INVS: variants seen among roughly 807,000 people sequenced by gnomAD.
INVS encodes inversion of embryo turning homolog.
Under a neutral mutation model 108.8 loss-of-function variants are expected in INVS, and 86 were observed. That is an observed-to-expected ratio of 0.79 (90% CI 0.66 to 0.95). The LOEUF (loss-of-function observed/expected upper bound fraction) is 0.95, where lower values mean the gene tolerates loss of function less well. Among genes scored for constraint, INVS ranks in the 40% least tolerant of loss-of-function variants. The probability of loss-of-function intolerance (pLI) is 0.00; values close to 1 mark genes in which losing one functional copy is unlikely to be tolerated. For synonymous variants in INVS, 455 were observed against 473.5 expected, an observed-to-expected ratio of 0.96 and a Z score of 0.51; for missense variants, 1,169 against 1,297.4, an observed-to-expected ratio of 0.90 and a Z score of 1.52.
intron 12 of INVS, among the ~76,000 whole-genome samples, chr9:100,279,710 T>C (rs1833220150): frequency 6.6e-6 from 1 of 152,192 alleles, no homozygotes; most frequent in Non-Finnish European, 1.5e-5. Flanking sequence ...GACTTCTCTT[T>C]TCTGTGGAAG....
At position 100,264,900 on chromosome 9, in the gene INVS, C is replaced by T; in HGVS notation, c.1543C>T (p.Pro515Ser). 6.2e-7 allele frequency: 1 copy of T among 1,612,580 alleles called. No homozygotes were observed. The highest frequency in any genetic ancestry group is 8.5e-7 in the Non-Finnish European group (1 of 1,179,184). ...IKLLLDFAAFPNQMENNEERY... is the reference protein window; with the variant it reads ...IKLLLDFAAFSNQMENNEERY... Reference sequence around the variant, plus strand: ...ATTACTGCTAGACTTTGCTGCTTTCCCTAATCAGATGGAAAACAATGAAGA... The same window carrying T: ...ATTACTGCTAGACTTTGCTGCTTTCTCTAATCAGATGGAAAACAATGAAGA... Residue 515 changes from proline to serine, a missense_variant, in exon 11 of 17, where the codon CCT becomes TCT. Transcript: ENST00000262457.
intron 6 of INVS, among the ~76,000 whole-genome samples, chr9:100,240,679 A>T (rs1831839516): frequency 6.6e-6 from 1 of 151,992 alleles, no homozygotes; most frequent in Non-Finnish European, 1.5e-5. Flanking sequence ...TGTATGTTTT[A>T]TGTGTATGTT....
intron 9 of INVS, 129 bp from the exon 10 acceptor site, chr9:100,252,778 C>A: frequency 1.3e-6 from 1 of 743,698 alleles, no homozygotes; most frequent in Non-Finnish European, 2.3e-6. Context: ...ATTAAAGGAA[C>A]AATTGTTATT....
intron 3 of INVS, among the ~76,000 whole-genome samples, chr9:100,151,987 G>A (rs7868020): frequency 0.21 from 31,997 of 151,976 alleles, 5,718 homozygotes; most frequent in African/African-American, 0.49. Flanking sequence ...CCTAAACTAC[G>A]TCCTATATTA....
intron 13 of INVS, among the ~76,000 whole-genome samples, chr9:100,285,265 G>T (rs1160967759): frequency 1.3e-5 from 2 of 152,180 alleles, no homozygotes; most frequent in Admixed American, 6.5e-5. Flanking sequence ...TGGCTTCCAT[G>T]GTTTCAGATG....
chr9:100,170,737 T>G (rs1342097788), intron 3 of INVS, among the ~76,000 whole-genome samples: 1 of 152,138 alleles, frequency 6.6e-6, no homozygotes, highest in Admixed American at 6.5e-5. Flanking sequence ...GAGAATATTT[T>G]GTTGCTTTGT....
chr9:100,139,966 A>T (rs912422411), intron 3 of INVS, among the ~76,000 whole-genome samples: 2 of 152,148 alleles, frequency 1.3e-5, no homozygotes, highest in African/African-American at 4.8e-5. Context: ...TAAAGTGAGC[A>T]ATTCAGAGAA....
At chr9:100,263,578 C>A (rs1167741465) in intron 10 of INVS, among the ~76,000 whole-genome samples, 1 of 152,154 alleles carries the variant, frequency 6.6e-6, no homozygotes, top group East Asian at 1.9e-4. Flanking sequence ...GTGATTAGAT[C>A]AGGCCTACCC....
intron 3 of INVS, among the ~76,000 whole-genome samples, chr9:100,145,696 G>A (rs577563891): frequency 4.7e-4 from 72 of 152,180 alleles, no homozygotes; most frequent in East Asian, 2.5e-3. Context: ...AGGCGTCCCC[G>A]TGTGGTCAGA....
chr9:100,156,184 G>T (rs1377080324), intron 3 of INVS, among the ~76,000 whole-genome samples: 1 of 151,712 alleles, frequency 6.6e-6, no homozygotes, highest in Admixed American at 6.6e-5. Flanking sequence ...TTCCAAAGAT[G>T]GACAATTTGA....
Position 100,175,248 on chromosome 9 carries a change from C to T in INVS, c.273+48699C>T. The T allele has an allele frequency of 4.8e-6, 3 of 622,704 alleles. No individual in the cohort carries two copies. The Admixed American group carries it at 6.7e-5, about 14-fold the overall frequency. 38.6% of individuals were successfully genotyped at this position (622,704 alleles called of 1,614,324 possible). ...GCATCCAACTGTAAAGACTCTTTGC[C>T]AATGTCTGTGATTTGTGGGCCCAAA... is the stretch of plus-strand genomic sequence containing the variant. On this transcript the variant is annotated intron_variant, in intron 3 of 16. Coordinates refer to ENST00000262457, the MANE Select transcript of INVS (RefSeq NM_014425.5).
intron 3 of INVS, among the ~76,000 whole-genome samples, chr9:100,187,612 C>G (rs370095555): frequency 2.7e-5 from 4 of 149,820 alleles, no homozygotes; most frequent in Non-Finnish European, 5.9e-5. Context: ...CCACAACCTC[C>G]GCCTCCCAGG....
At chr9:100,118,817 C>T (rs1290159901) in intron 2 of INVS, among the ~76,000 whole-genome samples, 3 of 152,112 alleles carry the variant, frequency 2.0e-5, no homozygotes, top group Admixed American at 1.3e-4. Context: ...CCCACCACCA[C>T]ACCTGGCTAA....
intron 1 of INVS, among the ~76,000 whole-genome samples, chr9:100,100,928 A>ATTATATATGT (rs1163636437): frequency 4.3e-5 from 1 of 23,230 alleles, no homozygotes; most frequent in Non-Finnish European, 6.4e-5. Flanking sequence ...GTATATATAT[A>ATTATATATGT]ATATATATAA....
chr9:100,108,763 C>A (rs1258950342), intron 2 of INVS, among the ~76,000 whole-genome samples: 1 of 152,214 alleles, frequency 6.6e-6, no homozygotes, highest in African/African-American at 2.4e-5. Flanking sequence ...AGATGAGTGT[C>A]TCTTTCTACA....
intron 3 of INVS, among the ~76,000 whole-genome samples, chr9:100,224,050 CA>C (rs554303601): frequency 2.7e-5 from 4 of 150,624 alleles, no homozygotes; most frequent in East Asian, 1.9e-4. Flanking sequence ...AAAAACAAAA[CA>C]AAAAAAAACA....
chr9:100,226,254 C>A lies in INVS; in HGVS notation c.447+19C>A. ...AAACAAGGTAATGGATACTCAAAAT[C>A]AAAGACTAATAAGACCAGAAAGCAA... On this transcript the variant is annotated intron_variant, in intron 4 of 16. Coordinates refer to ENST00000262457, the MANE Select transcript of INVS (RefSeq NM_014425.5). 4 of 1,607,798 alleles carry A rather than the reference C, an allele frequency of 2.5e-6. No homozygotes were observed. The South Asian group carries it at 4.4e-5, about 18-fold the overall frequency.
intron 4 of INVS, among the ~76,000 whole-genome samples, chr9:100,226,462 A>T (rs981049965): frequency 3.3e-5 from 5 of 152,150 alleles, no homozygotes; most frequent in African/African-American, 1.2e-4. Flanking sequence ...GGAAAAACTG[A>T]AGCTCAGGAA....
chr9:100,254,454 C>T (rs1355360891), intron 10 of INVS, among the ~76,000 whole-genome samples: 1 of 152,112 alleles, frequency 6.6e-6, no homozygotes, highest in Non-Finnish European at 1.5e-5. Flanking sequence ...GCTTTTGTTG[C>T]CATTGCTTTT....
Sources: allele counts gnomAD v4.1 joint callset (sites outside exome capture counted in the v4.1 genomes callset), GRCh38; gene constraint gnomAD v4.1.1; transcripts MANE v1.5; gene names NCBI Gene and HGNC (gene_info 2026-07-23, HGNC 2026-07-21).